The following MX1 variants were observed in gnomAD, a reference collection of about 807,000 sequenced individuals.
MX1 encodes interferon-induced GTP-binding protein Mx1.
MX1 carries 66 observed loss-of-function variants against 66.4 expected under a neutral mutation model. The observed-to-expected ratio is 0.99, with a 90% CI of 0.82 to 1.22. The LOEUF (loss-of-function observed/expected upper bound fraction) is 1.22. Ranked by LOEUF, MX1 falls within the 50% of genes most tolerant of loss-of-function variation. The probability of loss-of-function intolerance (pLI) is 0.00; values close to 1 mark genes in which losing one functional copy is unlikely to be tolerated. For missense variants in MX1, 787 were observed against 834.3 expected (o/e 0.94, Z 0.70); for synonymous variants, 311 against 318.1 (o/e 0.98, Z 0.24).
At chr21:41,432,264 C>T in intron 5 of MX1, 89 bp downstream of exon 5, 1 of 1,142,900 alleles carries the variant, frequency 8.7e-7, no homozygotes, top group Non-Finnish European at 1.3e-6. Flanking sequence ...TACTGCTGCC[C>T]AGATATGCCT....
chr21:41,440,772 G>T lies in MX1; in HGVS notation c.592-115G>T, dbSNP rs1342191730. Reference sequence around the variant, plus strand: ...TCATTTCTCCAAAGTTACTTCTTTTGGGGGAAATACCCCTGGGACTCTTAG... The same window carrying T: ...TCATTTCTCCAAAGTTACTTCTTTTTGGGGAAATACCCCTGGGACTCTTAG... On this transcript the variant is annotated intron_variant, in intron 8 of 16. Coordinates refer to ENST00000398598, the MANE Select transcript of MX1 (RefSeq NM_002462.5). The T allele has an allele frequency of 1.2e-5, 15 of 1,224,838 alleles. No homozygotes were observed. The African/African-American group carries it at 1.8e-4, about 15-fold the overall frequency. The allele number at this position is 1,224,838 out of a possible 1,614,324, so 75.9% of individuals were successfully genotyped here. A position where few individuals can be genotyped will look rare whatever the true frequency, so the allele number is the denominator to read the frequency against.
upstream of MX1, chr21:41,422,106 C>G (rs1429447735): frequency 6.6e-6 from 1 of 152,194 alleles, no homozygotes; most frequent in African/African-American, 2.4e-5. Context: ...GTAAGGCATT[C>G]TAAGTCACAG....
chr21:41,441,288 T>G lies in MX1; in HGVS notation c.730+263T>G, dbSNP rs2090504882. ...TGGTGCCCACCAAGGCCAAGTGAAA[T>G]GAGCTGCTTTTGACTCTCACTGGCT... On this transcript the variant is annotated intron_variant, in intron 9 of 16. Coordinates refer to ENST00000398598, the MANE Select transcript of MX1 (RefSeq NM_002462.5). The surrounding 1 kb of genome is among the most constrained non-coding windows in gnomAD (Gnocchi z 4.0). 1 of 477,224 alleles carries G rather than the reference T, an allele frequency of 2.1e-6. No homozygotes were observed. The highest frequency in any genetic ancestry group is 3.8e-6 in the Non-Finnish European group (1 of 264,664). 29.6% of individuals were successfully genotyped at this position (477,224 alleles called of 1,614,324 possible). A position where few individuals can be genotyped will look rare whatever the true frequency, so the allele number is the denominator to read the frequency against.
chr21:41,443,787 G>C lies in MX1; in HGVS notation c.930-1G>C. ...GAAATCGGTCCTGTGTTCTCTTCTA[G>C]GGATCTGCTGGAGGAAGGAAAGGCC... On this transcript the variant is annotated splice_acceptor_variant, in intron 10 of 16. Coordinates refer to ENST00000398598, the MANE Select transcript of MX1 (RefSeq NM_002462.5). LOFTEE classifies it high-confidence loss of function. The C allele has an allele frequency of 6.2e-7, 1 of 1,614,178 alleles. No homozygotes were observed. The highest frequency in any genetic ancestry group is 1.7e-5 in the Admixed American group (1 of 60,028).
chr21:41,452,590 G>A lies in MX1; in HGVS notation c.1510-31G>A, dbSNP rs373909807. 24 of 1,575,336 alleles carry A rather than the reference G, an allele frequency of 1.5e-5. No individual in the cohort carries two copies. The African/African-American group carries it at 2.9e-4, about 19-fold the overall frequency. On this transcript the variant is annotated intron_variant, in intron 15 of 16. Coordinates refer to ENST00000398598, the MANE Select transcript of MX1 (RefSeq NM_002462.5). ...GTGACTCAGGAATTTGTGTCTTGAG[G>A]GAAACTGTATTTATTTATTTTTTAC...
rs1403660497 is a variant in MX1 at position 41,446,689 on chromosome 21, CA to C, written c.1273+549del. On this transcript the variant is annotated intron_variant, in intron 13 of 16. Coordinates refer to ENST00000398598, the MANE Select transcript of MX1 (RefSeq NM_002462.5). ...TTTCAATTTGTAAAAAATACGGTAT[CA>C]GTGAAGTGCAATAAAACAAGATATG... Among the ~76,000 whole-genome samples, 55 of 152,170 alleles carry C rather than the reference CA, an allele frequency of 3.6e-4. 1 individual carries two copies. The highest frequency in any genetic ancestry group is 8.8e-5 in the Non-Finnish European group (6 of 68,032).
In MX1 at chr21:41,446,115, C is replaced by G. The variant is rs776653966; in HGVS notation, c.1247C>G (p.Thr416Arg). The G allele has an allele frequency of 6.2e-6, 10 of 1,614,040 alleles. No homozygotes were observed. The highest frequency in any genetic ancestry group is 8.5e-6 in the Non-Finnish European group (10 of 1,179,968). ...CGACACGAGTTCCACAAATGGAGTA[C>G]AATAATTGAAAACAATTTTCAAGAA... ...RLRHEFHKWS[T>R]IIENNFQEGH... The change falls in exon 13 of 17, where the codon ACA (threonine) becomes AGA (arginine). Residue 416 changes from threonine to arginine, a missense_variant. Coordinates refer to ENST00000398598, the MANE Select transcript of MX1 (RefSeq NM_002462.5).
At chr21:41,440,553 TAC>T (rs2090478817) in intron 8 of MX1, among the ~76,000 whole-genome samples, 1 of 152,212 alleles carries the variant, frequency 6.6e-6, no homozygotes, top group African/African-American at 2.4e-5. Flanking sequence ...AATCTCACTT[TAC>T]AGATTAAAGA....
At position 41,445,565 on chromosome 21, in the gene MX1, A is replaced by T. The variant is rs777129036; in HGVS notation, c.1126A>T (p.Ile376Leu). ...CGAAAATGAAAAAATGTTCTTCCTG[A>T]TAGATGTGAGTGTTGCCAGCTGCAT... Reference protein sequence around the residue: ...EDENEKMFFLIDKVNAFNQDI... With the variant: ...EDENEKMFFLLDKVNAFNQDI... The change falls in exon 12 of 17, where the codon ATA becomes TTA. Residue 376 changes from isoleucine to leucine, a missense_variant. Physicochemically the swap from Ile to Leu is conservative, Grantham distance 5 (BLOSUM62 2). Transcript: ENST00000398598. 4.3e-6 allele frequency: 7 copies of T among 1,614,106 alleles called. No individual in the cohort carries two copies. The Admixed American group carries it at 1.2e-4, about 27-fold the overall frequency.
chr21:41,451,834 CAA>C (rs559021046), intron 15 of MX1, among the ~76,000 whole-genome samples: 9 of 51,464 alleles, frequency 1.7e-4, no homozygotes, highest in Non-Finnish European at 2.7e-4. Flanking sequence ...GACCCCGTCT[CAA>C]AAAAAAAAAA....
chr21:41,458,463 T>C, intron 16 of MX1, 65 bp from the exon 17 acceptor site: 1 of 1,587,604 alleles, frequency 6.3e-7, no homozygotes, highest in South Asian at 1.1e-5. Context: ...GTGCACATGG[T>C]GAGGTCAGAG....
chr21:41,433,832 A>G (rs1264096234), intron 5 of MX1, among the ~76,000 whole-genome samples: 1 of 152,198 alleles, frequency 6.6e-6, no homozygotes, highest in Non-Finnish European at 1.5e-5. Context: ...TTGTAAATAG[A>G]TAGTATAAAT....
At chr21:41,458,416 C>G in intron 16 of MX1, 112 bp from the exon 17 acceptor site, 1 of 1,313,954 alleles carries the variant, frequency 7.6e-7, no homozygotes, top group South Asian at 1.4e-5. Flanking sequence ...CATTGCCCTG[C>G]GAGGGTCTCC....
chr21:41,442,539 T>C (rs1258433584), intron 10 of MX1: 1 of 152,836 alleles, frequency 6.5e-6, no homozygotes, highest in Admixed American at 6.5e-5. Flanking sequence ...AGGAAAAGAC[T>C]GACAAATTGG....
Position 41,452,734 on chromosome 21 carries a change from A to T in MX1, c.1623A>T (p.Ala541=). The change falls in exon 16 of 17, where the codon GCA becomes GCT. Residue 541 remains alanine (A), a synonymous_variant. Coordinates refer to ENST00000398598, the MANE Select transcript of MX1 (RefSeq NM_002462.5). ...VYCQDQVYRG[A]LQKVREKELE... is the part of the protein sequence containing the mutation. ...GCCAGGACCAGGTATACAGGGGTGCATTGCAGAAGGTCAGAGAGAAGGAGC... is the reference window on the plus strand; with the variant it reads ...GCCAGGACCAGGTATACAGGGGTGCTTTGCAGAAGGTCAGAGAGAAGGAGC... The T allele has an allele frequency of 6.2e-7, 1 of 1,614,012 alleles. No homozygotes were observed. The highest frequency in any genetic ancestry group is 8.5e-7 in the Non-Finnish European group (1 of 1,180,004).
chr21:41,445,378 G>A, intron 11 of MX1, 70 bp from the exon 12 acceptor site: 1 of 1,577,216 alleles, frequency 6.3e-7, no homozygotes, highest in South Asian at 1.1e-5. Context: ...GCAGAGGGAG[G>A]CCCGGGACCT....
chr21:41,441,891 C>G lies in MX1; in HGVS notation c.906C>G (p.Phe302Leu). ...LSEALQREKI[F>L]FENHPYFRDL... ...AAGCCCTGCAGAGAGAGAAGATCTT[C>G]TTTGAGAACCACCCATATTTCAGGT... Residue 302 changes from phenylalanine (F) to leucine (L), a missense_variant, in exon 10 of 17, where the codon TTC becomes TTG. Transcript: ENST00000398598. This position sits in a 1 kb window ranked among gnomAD's most constrained non-coding sequence, Gnocchi z 4.0. 2 of 1,614,162 alleles carry G rather than the reference C, an allele frequency of 1.2e-6. No individual in the cohort carries two copies. Among genetic ancestry groups the G allele is most frequent in the Middle Eastern group, 1.6e-4 (1 of 6,062 alleles).
At chr21:41,431,481 A>ATTT (rs57746167) in intron 4 of MX1, among the ~76,000 whole-genome samples, 36,185 of 147,964 alleles carry the variant, frequency 0.24, 5,098 homozygotes, top group East Asian at 0.39. Context: ...GGCATATTCT[A>ATTT]TTTTTTTTTT....
At chr21:41,446,920 T>G (rs71318569) in intron 13 of MX1, among the ~76,000 whole-genome samples, 1 of 152,076 alleles carries the variant, frequency 6.6e-6, no homozygotes, top group East Asian at 1.9e-4. Flanking sequence ...TTGGGGAGGA[T>G]GGTCAGGATA....
Sources: gnomAD v4.1 joint callset for allele counts (sites outside exome capture counted in the v4.1 genomes callset) on GRCh38, gnomAD v4.1.1 for gene constraint, Gnocchi (gnomAD v3.1) non-coding constraint, MANE v1.5 for transcripts, NCBI Gene and HGNC (gene_info 2026-07-23, HGNC 2026-07-21) for gene names.